PDE4B: variants seen among roughly 807,000 people sequenced by gnomAD.
PDE4B encodes phosphodiesterase 4B, also known as 3',5'-cyclic-AMP phosphodiesterase 4B.
A neutral mutation model predicts 82.2 loss-of-function variants in PDE4B; 20 were observed. The observed-to-expected ratio is 0.24, with a 90% confidence interval of 0.17 to 0.35. PDE4B has a LOEUF of 0.35. PDE4B is among the 10% of genes least tolerant of loss of function. The pLI, the probability that PDE4B is intolerant of heterozygous loss-of-function variation, is 1.00. For synonymous variants in PDE4B, 320 were observed against 318.9 expected, an observed-to-expected ratio of 1.00 and a Z score of -0.04; for missense variants, 655 against 907.2, an observed-to-expected ratio of 0.72 and a Z score of 3.57.
chr1:66,018,188 C>T (rs770458697), intron 3 of PDE4B, among the ~76,000 whole-genome samples: 1 of 152,010 alleles, frequency 6.6e-6, no homozygotes, highest in African/African-American at 2.4e-5. Flanking sequence ...GAGGCCAATG[C>T]GGGCGGATCA....
intron 3 of PDE4B, among the ~76,000 whole-genome samples, chr1:66,210,671 G>T (rs148474066): frequency 2.0e-5 from 3 of 151,572 alleles, no homozygotes; most frequent in Non-Finnish European, 2.9e-5. Context: ...ATGAACAGGG[G>T]AGAGGGTAGT....
At chr1:66,307,445 T>G (rs559919691) in intron 7 of PDE4B, among the ~76,000 whole-genome samples, 53 of 152,044 alleles carry the variant, frequency 3.5e-4, no homozygotes, top group Non-Finnish European at 7.4e-4. Flanking sequence ...AAAGCGGAGA[T>G]AGAGAAGCCT....
intron 3 of PDE4B, among the ~76,000 whole-genome samples, chr1:66,081,686 T>C (rs370897574): frequency 6.6e-6 from 1 of 152,240 alleles, no homozygotes; most frequent in African/African-American, 2.4e-5. Context: ...GTCCAGCCTA[T>C]AGTAGTAGTA....
At chr1:66,350,375 C>T (rs939910523) in intron 8 of PDE4B, among the ~76,000 whole-genome samples, 1 of 152,104 alleles carries the variant, frequency 6.6e-6, no homozygotes, top group African/African-American at 2.4e-5. Flanking sequence ...CTCTCTTTGA[C>T]ACCTTTTTAT....
At chr1:65,797,461 C>A (rs981154219) in intron 1 of PDE4B, among the ~76,000 whole-genome samples, 1 of 152,090 alleles carries the variant, frequency 6.6e-6, no homozygotes, top group Non-Finnish European at 1.5e-5. Flanking sequence ...ACACACAGAT[C>A]CTGGCCTACT....
intron 1 of PDE4B, among the ~76,000 whole-genome samples, chr1:65,874,295 G>A (rs200106533): frequency 3.3e-5 from 5 of 152,004 alleles, no homozygotes; most frequent in Non-Finnish European, 5.9e-5. Context: ...TGAAGTTGCT[G>A]ATCAGCTTAA....
intron 1 of PDE4B, among the ~76,000 whole-genome samples, chr1:65,891,272 AAGATG>A (rs1370352928): frequency 9.2e-5 from 14 of 152,128 alleles, no homozygotes; most frequent in Non-Finnish European, 1.3e-4. Flanking sequence ...ACAAGTGCTA[AAGATG>A]AGATAAGTTG....
In PDE4B at chr1:65,893,952, C is replaced by T. The variant is rs142414100; in HGVS notation, c.-70-19293C>T. ...AAGTGGGAGCTAAGCTATGAGGACA[C>T]AAAGGCATAAGAGTGATATAATGGA... On this transcript the variant is annotated intron_variant, in intron 1 of 16. Coordinates refer to ENST00000341517, the MANE Select transcript of PDE4B (RefSeq NM_002600.4). 6.6e-3 allele frequency among the ~76,000 whole-genome samples: 1,007 copies of T among 152,026 alleles called. 11 individuals are homozygous for T. The highest frequency in any genetic ancestry group is 0.023 in the African/African-American group (949 of 41,492).
intron 3 of PDE4B, among the ~76,000 whole-genome samples, chr1:66,002,389 G>T (rs1447758923): frequency 6.6e-6 from 1 of 151,942 alleles, no homozygotes; most frequent in Non-Finnish European, 1.5e-5. Flanking sequence ...TACATTTGTA[G>T]CACCGGTTTA....
In PDE4B at chr1:66,107,922, T is replaced by A. The variant is rs146697193; in HGVS notation, c.282-139538T>A. Among the ~76,000 whole-genome samples, 655 of 151,998 alleles carry A rather than the reference T, an allele frequency of 4.3e-3. 6 individuals carry two copies. The highest frequency in any genetic ancestry group is 0.015 in the African/African-American group (608 of 41,524). Reference sequence around the variant, plus strand: ...CAAAACATTGTGATGAAATTAGACTTAAGATATTTAATTTGGATTTTTAAA... The same window carrying A: ...CAAAACATTGTGATGAAATTAGACTAAAGATATTTAATTTGGATTTTTAAA... On this transcript the variant is annotated intron_variant, in intron 3 of 16. Transcript: ENST00000341517.
chr1:65,798,031 T>A (rs1205534657), intron 1 of PDE4B, among the ~76,000 whole-genome samples: 4 of 152,016 alleles, frequency 2.6e-5, no homozygotes, highest in Non-Finnish European at 5.9e-5. Flanking sequence ...TATTTATTTA[T>A]TTTTTGAGAT....
At chr1:66,198,514 G>A (rs1648538969) in intron 3 of PDE4B, among the ~76,000 whole-genome samples, 1 of 152,084 alleles carries the variant, frequency 6.6e-6, no homozygotes, top group Non-Finnish European at 1.5e-5. Flanking sequence ...AACTACAATA[G>A]AAATACATGT....
At chr1:66,371,754 C>A (rs2050790868) in intron 16 of PDE4B, among the ~76,000 whole-genome samples, 1 of 152,198 alleles carries the variant, frequency 6.6e-6, no homozygotes, top group Admixed American at 6.5e-5. Flanking sequence ...CAGGAGCCAG[C>A]TCCTCATCAC....
At chr1:66,080,288 A>G (rs147555235) in intron 3 of PDE4B, among the ~76,000 whole-genome samples, 25 of 152,152 alleles carry the variant, frequency 1.6e-4, no homozygotes, top group African/African-American at 5.8e-4. Context: ...AATCACCATG[A>G]CACTACCAAT....
chr1:65,935,501 A>G (rs1310657630), intron 3 of PDE4B, among the ~76,000 whole-genome samples: 1 of 152,216 alleles, frequency 6.6e-6, no homozygotes, highest in African/African-American at 2.4e-5. Context: ...TATAGATTCT[A>G]TAAGCACTGT....
chr1:66,307,932 T>C (rs897898253), intron 7 of PDE4B, among the ~76,000 whole-genome samples: 1 of 152,192 alleles, frequency 6.6e-6, no homozygotes, highest in African/African-American at 2.4e-5. Flanking sequence ...TCAAGGGTGC[T>C]TTTGTGCCAG....
At position 66,332,496 on chromosome 1, in the gene PDE4B, G is replaced by C. The variant is rs1660198383; in HGVS notation, c.635-12G>C. The C allele has an allele frequency of 2.5e-6, 4 of 1,614,070 alleles. No homozygotes were observed. The highest frequency in any genetic ancestry group is 2.5e-6 in the Non-Finnish European group (3 of 1,180,046). On this transcript the variant is annotated splice_polypyrimidine_tract_variant and intron_variant, in intron 7 of 16. Coordinates refer to ENST00000341517, the MANE Select transcript of PDE4B (RefSeq NM_002600.4). ...CTCCAGCCTAACTACATGCCTGTGT[G>C]TTTGTTTGCAGAAGAATCTTATCAA...
chr1:65,961,245 A>G (rs1649528177), intron 3 of PDE4B, among the ~76,000 whole-genome samples: 1 of 152,142 alleles, frequency 6.6e-6, no homozygotes, highest in Non-Finnish European at 1.5e-5. Context: ...AAACTGAGCA[A>G]AGACTTGAAT....
chr1:66,009,559 T>A (rs1652350842), intron 3 of PDE4B, among the ~76,000 whole-genome samples: 1 of 152,082 alleles, frequency 6.6e-6, no homozygotes, highest in South Asian at 2.1e-4. Context: ...ACCTATTACT[T>A]CTCCAACTCC....
Sources: gnomAD v4.1 joint callset for allele counts (sites outside exome capture counted in the v4.1 genomes callset) on GRCh38, gnomAD v4.1.1 for gene constraint, MANE v1.5 for transcripts, NCBI Gene and HGNC (gene_info 2026-07-23, HGNC 2026-07-21) for gene names.